Variants in RSPO3 observed in about 807,000 individuals in gnomAD.
The protein encoded by RSPO3 is R-spondin-3.
In RSPO3, 17 loss-of-function variants were observed where a neutral mutation model predicts 36.5. The ratio of observed to expected loss-of-function variants is 0.47; its 90% CI spans 0.32 to 0.70. RSPO3 has a LOEUF of 0.70. Among genes scored for constraint, RSPO3 ranks in the 30% least tolerant of loss-of-function variants. The pLI is 0.04. For synonymous variants in RSPO3, 108 were observed against 107.0 expected (o/e 1.01, Z -0.06); for missense variants, 294 against 322.5 (o/e 0.91, Z 0.68).
chr6:127,189,568 C>T (rs1320350014), intron 4 of RSPO3, among the ~76,000 whole-genome samples: 1 of 152,056 alleles, frequency 6.6e-6, no homozygotes, highest in Non-Finnish European at 1.5e-5. Context: ...TTTCTAAATT[C>T]CCAAAACAGC....
At chr6:127,186,012 C>T (rs1212387287) in intron 4 of RSPO3, among the ~76,000 whole-genome samples, 2 of 152,168 alleles carry the variant, frequency 1.3e-5, no homozygotes, top group East Asian at 3.9e-4. Flanking sequence ...GAAATTTATC[C>T]AAATAAAAAT....
intron 2 of RSPO3, among the ~76,000 whole-genome samples, chr6:127,149,853 A>G (rs2114583123): frequency 6.6e-6 from 1 of 152,210 alleles, no homozygotes; most frequent in South Asian, 2.1e-4. Context: ...ATAATATTGT[A>G]AAGCATTATA....
At chr6:127,181,354 T>C (rs917074751) in intron 4 of RSPO3, among the ~76,000 whole-genome samples, 3 of 151,908 alleles carry the variant, frequency 2.0e-5, no homozygotes, top group Admixed American at 6.6e-5. Context: ...GTTAAATATA[T>C]TATCATACAT....
At chr6:127,186,245 T>C (rs184232558) in intron 4 of RSPO3, among the ~76,000 whole-genome samples, 4 of 152,274 alleles carry the variant, frequency 2.6e-5, no homozygotes, top group Admixed American at 2.6e-4. Context: ...TATCATATAC[T>C]GATTCCAGAA....
chr6:127,182,258 C>T (rs892945125), intron 4 of RSPO3, among the ~76,000 whole-genome samples: 1 of 151,874 alleles, frequency 6.6e-6, no homozygotes, highest in African/African-American at 2.4e-5. Flanking sequence ...CCACCCCAAA[C>T]ATTTGCGCTC....
chr6:127,152,550 C>G (rs1774510758), intron 3 of RSPO3, among the ~76,000 whole-genome samples: 1 of 152,132 alleles, frequency 6.6e-6, no homozygotes, highest in African/African-American at 2.4e-5. Context: ...TAATTAGTAG[C>G]CTGACTTTAG....
chr6:127,184,138 T>C (rs1775243342), intron 4 of RSPO3, among the ~76,000 whole-genome samples: 1 of 151,972 alleles, frequency 6.6e-6, no homozygotes, highest in Non-Finnish European at 1.5e-5. Context: ...ATAGGAACTA[T>C]AATTCAAGGT....
At chr6:127,120,212 G>A (rs1459868667) in intron 1 of RSPO3, among the ~76,000 whole-genome samples, 27 of 152,282 alleles carry the variant, frequency 1.8e-4, no homozygotes, top group Non-Finnish European at 1.5e-5. Context: ...CTGTCTGAAA[G>A]GTAGAATCTT....
chr6:127,121,566 G>T (rs1187042109), intron 1 of RSPO3, among the ~76,000 whole-genome samples: 1 of 152,136 alleles, frequency 6.6e-6, no homozygotes, highest in Admixed American at 6.5e-5. Context: ...TGCAATCCTG[G>T]TAGAGGGGCG....
chr6:127,157,938 C>T (rs1478370964), intron 4 of RSPO3, among the ~76,000 whole-genome samples: 2 of 151,536 alleles, frequency 1.3e-5, no homozygotes, highest in African/African-American at 4.8e-5. Flanking sequence ...CTCTGGACAT[C>T]CCACCGTATC....
chr6:127,190,205 C>T (rs1384168284), intron 4 of RSPO3, among the ~76,000 whole-genome samples: 1 of 152,102 alleles, frequency 6.6e-6, no homozygotes, highest in East Asian at 1.9e-4. Context: ...AAGCAAATCA[C>T]CTGATATCAG....
At chr6:127,159,648 T>G (rs1302119356) in intron 4 of RSPO3, among the ~76,000 whole-genome samples, 2 of 145,466 alleles carry the variant, frequency 1.4e-5, no homozygotes, top group Non-Finnish European at 3.0e-5. Flanking sequence ...ATTCTCCTTT[T>G]TTTTTTTTTT....
In RSPO3 at chr6:127,155,368, C is replaced by T. The variant is rs1391251198; in HGVS notation, c.564C>T (p.Asn188=). 1 of 1,613,742 alleles carries T rather than the reference C, an allele frequency of 6.2e-7. No individual in the cohort carries two copies. The highest frequency in any genetic ancestry group is 8.5e-7 in the Non-Finnish European group (1 of 1,179,858). The change falls in exon 4 of 5, where the codon AAC becomes AAT. Residue 188 remains asparagine (N), a synonymous_variant. Transcript: ENST00000356698. ...EIIQHPSAKG[N]LCPPTNETRK... is the part of the protein sequence containing the mutation. ...TACAGCATCCTTCAGCAAAGGGTAA[C>T]CTGTGTCCCCCAACAAATGAGACAA...
intron 1 of RSPO3, among the ~76,000 whole-genome samples, chr6:127,147,221 A>AC (rs1291423089): frequency 3.3e-5 from 5 of 152,244 alleles, no homozygotes; most frequent in African/African-American, 1.2e-4. Flanking sequence ...TCTGTAACTA[A>AC]CCCGTGCACC....
chr6:127,181,251 T>C (rs1440506839), intron 4 of RSPO3, among the ~76,000 whole-genome samples: 2 of 151,910 alleles, frequency 1.3e-5, no homozygotes, highest in African/African-American at 4.8e-5. Context: ...TTAAAATGTA[T>C]CTTGAATGAT....
chr6:127,188,609 A>G (rs1193097956), intron 4 of RSPO3, among the ~76,000 whole-genome samples: 7 of 148,732 alleles, frequency 4.7e-5, no homozygotes, highest in Non-Finnish European at 8.9e-5. Flanking sequence ...TATATATATC[A>G]TACCTCTATA....
chr6:127,197,457 C>T lies in RSPO3; in HGVS notation c.*1450C>T. On this transcript the variant is annotated 3_prime_UTR_variant, in exon 5 of 5. Transcript: ENST00000356698. ...GAAGTCACCCTAGCTGAAGGCCTCA[C>T]CAGTGTTTCACAGAGGACACAGCCC... 6.4e-7 allele frequency: 1 copy of T among 1,550,580 alleles called. No individual in the cohort carries two copies. Among genetic ancestry groups the T allele is most frequent in the South Asian group, 1.2e-5 (1 of 84,054 alleles).
intron 1 of RSPO3, chr6:127,119,704 C>T (rs1773799013): frequency 6.1e-6 from 1 of 163,448 alleles, no homozygotes; most frequent in African/African-American, 2.4e-5. Flanking sequence ...GAGGCGCGGC[C>T]GCGGTACCCG....
chr6:127,132,648 C>T (rs1238322612), intron 1 of RSPO3, among the ~76,000 whole-genome samples: 1 of 151,948 alleles, frequency 6.6e-6, no homozygotes, highest in Non-Finnish European at 1.5e-5. Flanking sequence ...TATTATGATT[C>T]AAAAACTACT....
Sources: allele counts gnomAD v4.1 joint callset (sites outside exome capture counted in the v4.1 genomes callset), GRCh38; gene constraint gnomAD v4.1.1; transcripts MANE v1.5; gene names NCBI Gene and HGNC (gene_info 2026-07-23, HGNC 2026-07-21).